The following TENM1 variants were observed in gnomAD, a reference collection of about 807,000 sequenced individuals.
TENM1 encodes the protein teneurin transmembrane protein 1, also known as teneurin-1.
In TENM1, 35 loss-of-function variants were observed where a neutral mutation model predicts 174.8. The ratio of observed to expected loss-of-function variants is 0.20; its 90% CI spans 0.15 to 0.27. The LOEUF (loss-of-function observed/expected upper bound fraction) is 0.27, where lower values mean the gene tolerates loss of function less well. Ranked by LOEUF, TENM1 falls within the 10% of genes least tolerant of loss-of-function variation. The pLI is 1.00. For missense variants in TENM1, 1,633 were observed against 2,130.1 expected (o/e 0.77, Z 4.59); for synonymous variants, 781 against 798.7 (o/e 0.98, Z 0.37).
intron 25 of TENM1, among the ~76,000 whole-genome samples, chrX:124,410,722 C>T (rs1012456640): frequency 4.5e-5 from 5 of 112,284 alleles, no homozygotes; most frequent in African/African-American, 9.7e-5. Flanking sequence ...TGAACAGACA[C>T]TTCTCAAAAG....
chrX:125,074,820 T>C, the TENM1 span, among the ~76,000 whole-genome samples: 40,667 of 110,354 alleles, frequency 0.37, 7,780 homozygotes, highest in African/African-American at 0.75. Context: ...TTCTTCACTT[T>C]CCCACTTCCC....
At chrX:124,559,656 A>G (rs1403748301) in intron 14 of TENM1, among the ~76,000 whole-genome samples, 1 of 110,924 alleles carries the variant, frequency 9.0e-6, no homozygotes, top group Non-Finnish European at 1.9e-5. Context: ...AGACAGAACA[A>G]GACCCTGTCT....
At chrX:125,175,950 C>T in the TENM1 span, among the ~76,000 whole-genome samples, 1 of 111,693 alleles carries the variant, frequency 9.0e-6, no homozygotes, top group Non-Finnish European at 1.9e-5. Context: ...GCGCTAACGA[C>T]ATTACTTGCT....
At chrX:124,980,124 C>G in the TENM1 span, among the ~76,000 whole-genome samples, 2,548 of 111,273 alleles carry the variant, frequency 0.023, 58 homozygotes, top group Middle Eastern at 0.083. Context: ...ATAATCCTAG[C>G]ACTTTGGGAT....
chrX:125,151,328 C>T, the TENM1 span, among the ~76,000 whole-genome samples: 4,589 of 112,089 alleles, frequency 0.041, 227 homozygotes, highest in African/African-American at 0.14. Flanking sequence ...AGCATCACTG[C>T]TTTAAAAATA....
the TENM1 span, among the ~76,000 whole-genome samples, chrX:125,202,631 C>G: frequency 3.2e-4 from 35 of 110,905 alleles, no homozygotes; most frequent in Admixed American, 3.2e-3. Flanking sequence ...ACGGCGAGTA[C>G]GAGCTGCAAA....
intron 1 of TENM1, among the ~76,000 whole-genome samples, chrX:124,953,695 A>G (rs1016395955): frequency 8.9e-6 from 1 of 111,909 alleles, no homozygotes; most frequent in Admixed American, 9.5e-5. Context: ...TTTGTTTCCC[A>G]GGGGACAATC....
chrX:124,452,976 A>G (rs1351069918), intron 23 of TENM1, among the ~76,000 whole-genome samples: 5 of 110,797 alleles, frequency 4.5e-5, no homozygotes, highest in Non-Finnish European at 7.6e-5. Flanking sequence ...TAACCTGCAC[A>G]TTGTGCACAT....
the TENM1 span, among the ~76,000 whole-genome samples, chrX:125,185,714 A>G: frequency 8.9e-6 from 1 of 112,299 alleles, no homozygotes; most frequent in Admixed American, 9.5e-5. Context: ...TAATTCCTGT[A>G]AACAAATTAG....
intron 11 of TENM1, among the ~76,000 whole-genome samples, chrX:124,585,901 A>G (rs2148232765): frequency 9.0e-6 from 1 of 111,218 alleles, no homozygotes; most frequent in African/African-American, 3.3e-5. Context: ...AGGGAATACT[A>G]CAGATACCTC....
At chrX:125,025,554 C>G in the TENM1 span, among the ~76,000 whole-genome samples, 2 of 111,236 alleles carry the variant, frequency 1.8e-5, no homozygotes, top group African/African-American at 6.5e-5. Context: ...CAGAAGCATG[C>G]GGTGTTACCC....
At chrX:124,935,097 A>C (rs1431208149) in intron 1 of TENM1, among the ~76,000 whole-genome samples, 3 of 108,478 alleles carry the variant, frequency 2.8e-5, no homozygotes, top group African/African-American at 1.0e-4. Flanking sequence ...GTAAACTTAC[A>C]ATATTTGAAA....
chrX:124,522,557 CT>C (rs1179269296), intron 17 of TENM1, among the ~76,000 whole-genome samples: 17 of 93,926 alleles, frequency 1.8e-4, no homozygotes, highest in African/African-American at 7.2e-4. Context: ...AGAAGCAAAG[CT>C]TTTTTAAAAA....
chrX:125,072,246 G>A, the TENM1 span, among the ~76,000 whole-genome samples: 2 of 111,497 alleles, frequency 1.8e-5, no homozygotes, highest in African/African-American at 6.5e-5. Context: ...ACACAAAGAA[G>A]TCTGGTTTTC....
At chrX:124,673,488 C>A (rs909675839) in intron 5 of TENM1, among the ~76,000 whole-genome samples, 1 of 111,507 alleles carries the variant, frequency 9.0e-6, no homozygotes, top group African/African-American at 3.3e-5. Context: ...ACATCCTTTG[C>A]AGAAAGATAA....
At chrX:124,563,987 T>A (rs1443975657) in intron 12 of TENM1, among the ~76,000 whole-genome samples, 2 of 112,184 alleles carry the variant, frequency 1.8e-5, no homozygotes, top group African/African-American at 3.2e-5. Flanking sequence ...TGCAAGAAAC[T>A]CTATTAGGCT....
intron 22 of TENM1, among the ~76,000 whole-genome samples, chrX:124,477,974 C>T (rs1202270929): frequency 4.7e-5 from 5 of 105,621 alleles, no homozygotes; most frequent in Non-Finnish European, 9.4e-5. Context: ...GTGACTAATA[C>T]TATTTACATC....
chrX:124,929,397 T>G (rs1419442220), intron 1 of TENM1, among the ~76,000 whole-genome samples: 1 of 112,236 alleles, frequency 8.9e-6, no homozygotes, highest in Non-Finnish European at 1.9e-5. Flanking sequence ...TAAGGCATAA[T>G]AAATATTTGC....
At chrX:124,845,081 G>C (rs2056581337) in intron 3 of TENM1, among the ~76,000 whole-genome samples, 1 of 111,594 alleles carries the variant, frequency 9.0e-6, no homozygotes, top group African/African-American at 3.3e-5. Flanking sequence ...AAAAACAAAA[G>C]AAACACATTT....
Sources: gnomAD v4.1 joint callset for allele counts (sites outside exome capture counted in the v4.1 genomes callset) on GRCh38, gnomAD v4.1.1 for gene constraint, MANE v1.5 for transcripts, NCBI Gene and HGNC (gene_info 2026-07-23, HGNC 2026-07-21) for gene names.